The following GABRA2 variants were observed in gnomAD, a reference collection of about 807,000 sequenced individuals.
GABRA2 encodes the protein gamma-aminobutyric acid type A receptor subunit alpha2.
Under a neutral mutation model 48.7 loss-of-function variants are expected in GABRA2, and 16 were observed. The observed-to-expected ratio is 0.33, with a 90% CI of 0.22 to 0.50. The LOEUF is 0.50. Ranked by LOEUF, GABRA2 falls within the 20% of genes least tolerant of loss-of-function variation. The pLI, the probability that GABRA2 is intolerant of heterozygous loss-of-function variation, is 0.98. For synonymous variants in GABRA2, 185 were observed against 184.5 expected, an observed-to-expected ratio of 1.00 and a Z score of -0.02; for missense variants, 275 against 535.6, an observed-to-expected ratio of 0.51 and a Z score of 4.80.
intron 8 of GABRA2, among the ~76,000 whole-genome samples, chr4:46,274,048 C>A (rs1227941653): frequency 6.6e-6 from 1 of 151,982 alleles, no homozygotes; most frequent in East Asian, 1.9e-4. Flanking sequence ...TTTGACACAC[C>A]CAGCTTGAAT....
chr4:46,287,183 G>A (rs997714435), intron 8 of GABRA2, among the ~76,000 whole-genome samples: 1 of 152,048 alleles, frequency 6.6e-6, no homozygotes, highest in African/African-American at 2.4e-5. Context: ...GCAGTTATCT[G>A]GCTATAACAG....
At chr4:46,291,027 G>A (rs1027327339) in intron 8 of GABRA2, among the ~76,000 whole-genome samples, 2 of 152,004 alleles carry the variant, frequency 1.3e-5, no homozygotes, top group African/African-American at 4.8e-5. Context: ...ATTCATAATG[G>A]ATATTAGTAT....
chr4:46,378,669 A>T (rs888874701), intron 3 of GABRA2, among the ~76,000 whole-genome samples: 5 of 149,198 alleles, frequency 3.4e-5, no homozygotes, highest in South Asian at 2.1e-4. Context: ...AAAAAAAAAA[A>T]TTTAAAAATT....
chr4:46,264,287 C>T (rs1414068222), intron 8 of GABRA2, among the ~76,000 whole-genome samples: 6 of 151,994 alleles, frequency 3.9e-5, no homozygotes, highest in Non-Finnish European at 8.8e-5. Flanking sequence ...TTACTTCTTC[C>T]TTTCCAATCT....
intron 4 of GABRA2, among the ~76,000 whole-genome samples, chr4:46,319,568 G>A (rs1366598445): frequency 6.6e-6 from 1 of 151,682 alleles, no homozygotes; most frequent in Admixed American, 6.6e-5. Context: ...TGCAAAAATT[G>A]CAAAAACAAT....
chr4:46,365,499 T>A (rs1262925229), intron 3 of GABRA2: 1 of 152,240 alleles, frequency 6.6e-6, no homozygotes, highest in African/African-American at 2.4e-5. Flanking sequence ...TGAACAAATC[T>A]CCACATTATG....
chr4:46,372,798 G>C (rs1051442707), intron 3 of GABRA2, among the ~76,000 whole-genome samples: 2 of 151,314 alleles, frequency 1.3e-5, no homozygotes, highest in Admixed American at 6.6e-5. Flanking sequence ...AATGTCTTCA[G>C]ACAGAAGTAT....
At chr4:46,287,142 T>C (rs188001590) in intron 8 of GABRA2, among the ~76,000 whole-genome samples, 83 of 152,228 alleles carry the variant, frequency 5.5e-4, no homozygotes, top group Middle Eastern at 3.4e-3. Context: ...TTAAGTGAGG[T>C]AGGGGGTCCA....
intron 3 of GABRA2, among the ~76,000 whole-genome samples, chr4:46,346,555 T>A (rs528109397): frequency 3.3e-4 from 50 of 150,408 alleles, no homozygotes; most frequent in Middle Eastern, 3.5e-3. Flanking sequence ...AGATTCCTGA[T>A]GCTTTTAAAA....
chr4:46,289,098 T>A (rs2109519257), intron 8 of GABRA2, among the ~76,000 whole-genome samples: 1 of 152,286 alleles, frequency 6.6e-6, no homozygotes, highest in African/African-American at 2.4e-5. Flanking sequence ...GCTTATGCAC[T>A]GTTGGTGTGA....
At chr4:46,330,583 T>TAGAGAG (rs1180886073) in intron 4 of GABRA2, among the ~76,000 whole-genome samples, 211 of 108,120 alleles carry the variant, frequency 2.0e-3, no homozygotes, top group African/African-American at 6.0e-3. Context: ...TATATATATA[T>TAGAGAG]ATATATATAG....
At chr4:46,332,927 T>A (rs187945432) in intron 3 of GABRA2, among the ~76,000 whole-genome samples, 1 of 152,260 alleles carries the variant, frequency 6.6e-6, no homozygotes, top group African/African-American at 2.4e-5. Flanking sequence ...CATACCTGAT[T>A]AGCGCATCCT....
intron 8 of GABRA2, among the ~76,000 whole-genome samples, chr4:46,270,983 C>T (rs1385221830): frequency 1.5e-5 from 2 of 132,362 alleles, no homozygotes; most frequent in Non-Finnish European, 3.3e-5. Flanking sequence ...TAAAGCTGTG[C>T]CCCTACTATA....
chr4:46,345,313 C>G (rs1733961520), intron 3 of GABRA2, among the ~76,000 whole-genome samples: 1 of 151,736 alleles, frequency 6.6e-6, no homozygotes, highest in African/African-American at 2.4e-5. Flanking sequence ...ACTAATACAC[C>G]ACGTAAGACC....
chr4:46,377,286 T>C (rs919692112), intron 3 of GABRA2, among the ~76,000 whole-genome samples: 3 of 143,660 alleles, frequency 2.1e-5, no homozygotes, highest in Non-Finnish European at 4.5e-5. Flanking sequence ...ATCTAGGAAG[T>C]GAGGAGCGCC....
At chr4:46,287,347 C>T (rs888435361) in intron 8 of GABRA2, among the ~76,000 whole-genome samples, 1 of 151,918 alleles carries the variant, frequency 6.6e-6, no homozygotes, top group Non-Finnish European at 1.5e-5. Context: ...ATGAATTTAA[C>T]CTGTATTCCC....
intron 3 of GABRA2, among the ~76,000 whole-genome samples, chr4:46,360,712 C>T: frequency 6.6e-6 from 1 of 152,110 alleles, no homozygotes; most frequent in Non-Finnish European, 1.5e-5. Context: ...TTGAAGGGCT[C>T]AGAAGAAGAC....
chr4:46,369,889 C>G (rs1248890924), intron 3 of GABRA2, among the ~76,000 whole-genome samples: 1 of 152,000 alleles, frequency 6.6e-6, no homozygotes, highest in Non-Finnish European at 1.5e-5. Context: ...AAGGTAGTGA[C>G]ATCTAAGCTA....
At chr4:46,256,507 G>A (rs182543223) in intron 9 of GABRA2, 1 of 410,498 alleles carries the variant, frequency 2.4e-6, no homozygotes, top group African/African-American at 2.1e-5. Flanking sequence ...CAATTTCAGT[G>A]TAAGGAAAAG....
Sources: allele counts gnomAD v4.1 joint callset (sites outside exome capture counted in the v4.1 genomes callset), GRCh38; gene constraint gnomAD v4.1.1; transcripts MANE v1.5; gene names NCBI Gene and HGNC (gene_info 2026-07-23, HGNC 2026-07-21).